Variants in GABRB3 observed in about 807,000 individuals in gnomAD.
GABRB3 encodes the protein gamma-aminobutyric acid receptor subunit beta-3.
GABRB3 carries 14 observed loss-of-function variants against 52.1 expected under a neutral mutation model. The observed-to-expected ratio is 0.27, with a 90% CI of 0.18 to 0.42. GABRB3 has a LOEUF of 0.42. Among genes scored for constraint, GABRB3 ranks in the 10% least tolerant of loss-of-function variants. The probability of loss-of-function intolerance (pLI) is 1.00; values close to 1 mark genes in which losing one functional copy is unlikely to be tolerated. For synonymous variants in GABRB3, 260 were observed against 232.3 expected (o/e 1.12, Z -1.08); for missense variants, 307 against 609.1 (o/e 0.50, Z 5.22).
At chr15:26,756,917 C>A (rs958213861) in intron 3 of GABRB3, among the ~76,000 whole-genome samples, 1 of 152,140 alleles carries the variant, frequency 6.6e-6, no homozygotes, top group Non-Finnish European at 1.5e-5. Flanking sequence ...CAGGTTGTAA[C>A]CCTCTTAGAA....
chr15:26,724,692 T>C (rs997117473), intron 3 of GABRB3, among the ~76,000 whole-genome samples: 5 of 152,184 alleles, frequency 3.3e-5, no homozygotes, highest in Admixed American at 1.3e-4. Flanking sequence ...TTGTTAAACA[T>C]AGGTCCCATG....
intron 3 of GABRB3, among the ~76,000 whole-genome samples, chr15:26,723,792 T>C (rs140020493): frequency 0.018 from 2,777 of 152,296 alleles, 40 homozygotes; most frequent in Non-Finnish European, 0.027. Flanking sequence ...TCTCTGATTA[T>C]CCATGAGGCA....
At chr15:26,773,095 A>G (rs1363271290), upstream of GABRB3, 638 of 879,156 alleles carry the variant, frequency 7.3e-4, no homozygotes, top group Admixed American at 1.0e-3. Flanking sequence ...GCGGAGGGGG[A>G]GGGGAGGAGG....
chr15:26,651,640 CT>C (rs977026315), intron 3 of GABRB3, among the ~76,000 whole-genome samples: 9 of 152,116 alleles, frequency 5.9e-5, no homozygotes, highest in Admixed American at 1.3e-4. Flanking sequence ...AAACTCTGAC[CT>C]TTTTTTCTCT....
At chr15:26,553,690 G>T (rs1403770042) in intron 8 of GABRB3, among the ~76,000 whole-genome samples, 2 of 152,034 alleles carry the variant, frequency 1.3e-5, no homozygotes, top group Non-Finnish European at 2.9e-5. Flanking sequence ...GGCTGGGATT[G>T]TTCGAGACCA....
chr15:26,688,578 T>C (rs781058232), intron 3 of GABRB3, among the ~76,000 whole-genome samples: 8 of 152,224 alleles, frequency 5.3e-5, no homozygotes, highest in Non-Finnish European at 1.2e-4. Context: ...CATAGGTGTG[T>C]CACCGATGCT....
chr15:26,709,540 G>T (rs1258514881), intron 3 of GABRB3, among the ~76,000 whole-genome samples: 11 of 49,572 alleles, frequency 2.2e-4, no homozygotes, highest in Non-Finnish European at 4.2e-4. Flanking sequence ...TTTTTTTTGA[G>T]ACAGTCTTGC....
intron 4 of GABRB3, among the ~76,000 whole-genome samples, chr15:26,590,639 C>T (rs772276985): frequency 6.6e-6 from 1 of 152,206 alleles, no homozygotes; most frequent in Non-Finnish European, 1.5e-5. Flanking sequence ...TTTCGTTTAT[C>T]CCGATTTTTG....
chr15:26,626,319 CCT>C (rs374726174), intron 3 of GABRB3, among the ~76,000 whole-genome samples: 25 of 152,214 alleles, frequency 1.6e-4, no homozygotes, highest in African/African-American at 5.8e-4. Context: ...CTCCCTATTC[CCT>C]GAGACACAAC....
chr15:26,701,079 T>C (rs1219169455), intron 3 of GABRB3, among the ~76,000 whole-genome samples: 12 of 151,204 alleles, frequency 7.9e-5, no homozygotes, highest in Non-Finnish European at 1.6e-4. Context: ...AAAAAAACTC[T>C]GCAAACGAGG....
intron 4 of GABRB3, chr15:26,612,947 T>TCACA (rs1028043710): frequency 6.6e-6 from 1 of 151,780 alleles, no homozygotes; most frequent in African/African-American, 2.4e-5. Context: ...AACCCCATCT[T>TCACA]CACACACACA....
chr15:26,566,619 A>G (rs1398648179), intron 7 of GABRB3, among the ~76,000 whole-genome samples: 1 of 152,082 alleles, frequency 6.6e-6, no homozygotes, highest in East Asian at 1.9e-4. Context: ...CCCACTGTCC[A>G]GGAGGTAGAG....
chr15:26,562,867 G>T (rs1890039915), intron 7 of GABRB3, among the ~76,000 whole-genome samples: 1 of 152,108 alleles, frequency 6.6e-6, no homozygotes, highest in Non-Finnish European at 1.5e-5. Flanking sequence ...TGCAAACCAT[G>T]GTTGCTGACG....
intron 3 of GABRB3, among the ~76,000 whole-genome samples, chr15:26,700,320 C>A (rs1008201100): frequency 3.3e-5 from 5 of 152,200 alleles, no homozygotes; most frequent in African/African-American, 1.2e-4. Context: ...AAACCTCTAT[C>A]TATCAAAGAA....
At chr15:26,714,738 G>A (rs1190679126) in intron 3 of GABRB3, among the ~76,000 whole-genome samples, 2 of 152,162 alleles carry the variant, frequency 1.3e-5, no homozygotes, top group African/African-American at 4.8e-5. Context: ...TAGTGATTTA[G>A]AGGTCCCAAG....
intron 3 of GABRB3, among the ~76,000 whole-genome samples, chr15:26,765,047 G>A (rs538549814): frequency 2.1e-5 from 3 of 146,302 alleles, no homozygotes; most frequent in Admixed American, 7.0e-5. Flanking sequence ...GGAGAATGGC[G>A]TGAACCCGGG....
intron 4 of GABRB3, chr15:26,615,817 T>C: frequency 8.4e-7 from 1 of 1,194,770 alleles, no homozygotes; most frequent in Non-Finnish European, 1.1e-6. Flanking sequence ...TGAGAGCCAA[T>C]CTCAGTGTCC....
intron 8 of GABRB3, 121 bp from the exon 9 acceptor site, chr15:26,548,255 G>A (rs147902478): frequency 1.2e-6 from 1 of 816,526 alleles, no homozygotes; most frequent in Admixed American, 1.8e-5. Context: ...CTGTACATCT[G>A]TCAAATCCAG....
intron 3 of GABRB3, among the ~76,000 whole-genome samples, chr15:26,691,263 T>C (rs1020816776): frequency 7.2e-5 from 11 of 152,180 alleles, no homozygotes; most frequent in Non-Finnish European, 2.9e-5. Context: ...TGAGTTTCTA[T>C]GGTAACATGA....
Sources: gnomAD v4.1 joint callset for allele counts (sites outside exome capture counted in the v4.1 genomes callset) on GRCh38, gnomAD v4.1.1 for gene constraint, MANE v1.5 for transcripts, NCBI Gene and HGNC (gene_info 2026-07-23, HGNC 2026-07-21) for gene names.